Variants in KAZN observed in about 807,000 individuals in gnomAD.
KAZN encodes the protein kazrin, periplakin interacting protein, also known as kazrin.
A neutral mutation model predicts 87.4 loss-of-function variants in KAZN; 40 were observed. That is an observed-to-expected ratio of 0.46 (90% CI 0.36 to 0.60). KAZN has a LOEUF of 0.60. Ranked by LOEUF, KAZN falls within the 20% of genes least tolerant of loss-of-function variation. The pLI is 0.00. For missense variants in KAZN, 898 were observed against 1,073.9 expected, an observed-to-expected ratio of 0.84 and a Z score of 2.29; for synonymous variants, 466 against 458.3, an observed-to-expected ratio of 1.02 and a Z score of -0.22.
chr1:14,595,637 C>T (rs1480143020), upstream of KAZN, among the ~76,000 whole-genome samples: 4 of 144,300 alleles, frequency 2.8e-5, no homozygotes, highest in Admixed American at 7.2e-5. Context: ...GCTGAGATGG[C>T]GCCACTGCAC....
chr1:14,855,466 C>G (rs980060470), intron 1 of KAZN, among the ~76,000 whole-genome samples: 1 of 152,248 alleles, frequency 6.6e-6, no homozygotes, highest in African/African-American at 2.4e-5. Flanking sequence ...GCGCCTCATT[C>G]TCTGACTCAT....
intron 2 of KAZN, among the ~76,000 whole-genome samples, chr1:14,324,520 T>C (rs1018812564): frequency 5.9e-5 from 9 of 152,124 alleles, no homozygotes; most frequent in African/African-American, 2.2e-4. Context: ...AGGTGGTAAA[T>C]GTTACCTTGG....
intron 1 of KAZN, among the ~76,000 whole-genome samples, chr1:14,763,925 T>C (rs1437606065): frequency 3.9e-5 from 6 of 152,226 alleles, no homozygotes; most frequent in Admixed American, 1.3e-4. Context: ...AATTTTTGTA[T>C]GTTAGTAGAA....
At chr1:14,590,013 C>T (rs976379624) in intron 2 of KAZN, among the ~76,000 whole-genome samples, 2 of 152,038 alleles carry the variant, frequency 1.3e-5, no homozygotes, top group South Asian at 2.1e-4. Context: ...CAAAGTAGGG[C>T]GATAAAGGCG....
At chr1:14,105,540 C>G (rs901935665) in intron 1 of KAZN, among the ~76,000 whole-genome samples, 2 of 152,186 alleles carry the variant, frequency 1.3e-5, no homozygotes, top group Non-Finnish European at 2.9e-5. Flanking sequence ...TGGATCTCAT[C>G]CCCTAACCTA....
chr1:14,557,629 G>GGGGT (rs1259650864), intron 2 of KAZN, among the ~76,000 whole-genome samples: 4 of 137,938 alleles, frequency 2.9e-5, no homozygotes, highest in Non-Finnish European at 6.2e-5. Context: ...GGTGTGTGTG[G>GGGGT]GTGTGTGTGT....
At chr1:14,193,647 A>AGAAAGAC (rs1019206907) in intron 2 of KAZN, among the ~76,000 whole-genome samples, 6 of 130,776 alleles carry the variant, frequency 4.6e-5, no homozygotes, top group African/African-American at 1.9e-4. Context: ...TCACAAACTA[A>AGAAAGAC]GAAAGACTAA....
chr1:14,946,847 G>A (rs1175170220), intron 1 of KAZN, among the ~76,000 whole-genome samples: 4 of 152,162 alleles, frequency 2.6e-5, no homozygotes, highest in South Asian at 2.1e-4. Context: ...GTGGCCGCGC[G>A]GTTGAGGTTG....
intron 1 of KAZN, among the ~76,000 whole-genome samples, chr1:14,604,749 T>C (rs1677231439): frequency 6.6e-6 from 1 of 152,186 alleles, no homozygotes; most frequent in Non-Finnish European, 1.5e-5. Context: ...TGGGTCAGGC[T>C]TCTGAAAGGT....
At chr1:14,131,585 A>G (rs1644993574) in intron 1 of KAZN, among the ~76,000 whole-genome samples, 2 of 151,938 alleles carry the variant, frequency 1.3e-5, no homozygotes, top group Non-Finnish European at 2.9e-5. Flanking sequence ...AACCTTATTG[A>G]CTGTGAGGCG....
rs1491412913 is a variant in KAZN at position 14,417,009 on chromosome 1, T to TGTACACACAC, written c.250-181973_250-181964dup. Among the ~76,000 whole-genome samples the TGTACACACAC allele has an allele frequency of 2.9e-4, 17 of 59,114 alleles. No individual in the cohort carries two copies. The East Asian group carries it at 9.8e-3, about 34-fold the overall frequency. The allele number at this position is 59,114 out of a possible 152,430, so 38.8% of individuals were successfully genotyped here. On this transcript the variant is annotated intron_variant, in intron 2 of 16. Transcript: ENST00000636203. ...ATATATATGTGTGTATGTATATATATGTACACACACACACACACACACACA... is the reference window on the plus strand; with the variant it reads ...ATATATATGTGTGTATGTATATATATGTACACACACGTACACACACACACACACACACACA...
intron 2 of KAZN, among the ~76,000 whole-genome samples, chr1:14,994,167 C>T (rs1372198336): frequency 6.6e-6 from 1 of 152,228 alleles, no homozygotes; most frequent in African/African-American, 2.4e-5. Flanking sequence ...TGGGTCGGGC[C>T]ATGGGGAGAA....
intron 2 of KAZN, among the ~76,000 whole-genome samples, chr1:14,475,826 A>G (rs1668692042): frequency 6.6e-6 from 1 of 151,520 alleles, no homozygotes; most frequent in African/African-American, 2.4e-5. Flanking sequence ...TTTTTACGCT[A>G]AATAATTTTG....
intron 2 of KAZN, among the ~76,000 whole-genome samples, chr1:14,200,520 T>A (rs1646617042): frequency 6.6e-6 from 1 of 152,224 alleles, no homozygotes; most frequent in Non-Finnish European, 1.5e-5. Context: ...CCTAGTCTCC[T>A]AAAAGGGCAG....
chr1:13,906,866 C>G (rs1167859868), intron 1 of KAZN, among the ~76,000 whole-genome samples: 1 of 152,166 alleles, frequency 6.6e-6, no homozygotes, highest in African/African-American at 2.4e-5. Context: ...AAATTCCATT[C>G]TGGGGCACAT....
chr1:13,918,489 T>G (rs1184410096), intron 1 of KAZN, among the ~76,000 whole-genome samples: 1 of 152,240 alleles, frequency 6.6e-6, no homozygotes, highest in Admixed American at 6.5e-5. Flanking sequence ...CTACTCCTGA[T>G]GAAGATACTG....
At chr1:14,545,936 C>G (rs563606322) in intron 2 of KAZN, among the ~76,000 whole-genome samples, 2 of 152,248 alleles carry the variant, frequency 1.3e-5, no homozygotes, top group East Asian at 3.9e-4. Context: ...GAAGTATGAT[C>G]CTACCATGTC....
intron 1 of KAZN, among the ~76,000 whole-genome samples, chr1:14,641,891 T>G (rs553921542): frequency 3.9e-5 from 6 of 152,190 alleles, no homozygotes; most frequent in Non-Finnish European, 8.8e-5. Context: ...AGCTACAAAC[T>G]GGGGAGAAAT....
At chr1:14,340,154 C>A (rs969644453) in intron 2 of KAZN, among the ~76,000 whole-genome samples, 2 of 152,214 alleles carry the variant, frequency 1.3e-5, no homozygotes, top group African/African-American at 4.8e-5. Flanking sequence ...AGCATCCGCA[C>A]TGTGTGAGGG....
Sources: allele counts gnomAD v4.1 joint callset (sites outside exome capture counted in the v4.1 genomes callset), GRCh38; gene constraint gnomAD v4.1.1; transcripts MANE v1.5; gene names NCBI Gene and HGNC (gene_info 2026-07-23, HGNC 2026-07-21).